PSD3: variants seen among roughly 807,000 people sequenced by gnomAD.
PSD3 encodes pleckstrin and Sec7 domain containing 3.
In PSD3, 49 loss-of-function variants were observed where a neutral mutation model predicts 105.5. The observed-to-expected ratio is 0.46, with a 90% CI of 0.37 to 0.59. The LOEUF (loss-of-function observed/expected upper bound fraction) is 0.59. PSD3 is among the 20% of genes least tolerant of loss of function. PSD3 has a pLI of 0.00. For synonymous variants in PSD3, 557 were observed against 457.8 expected (o/e 1.22, Z -2.77); for missense variants, 1,561 against 1,263.8 (o/e 1.24, Z -3.57).
rs573609589 is a variant in PSD3, at chr8:18,827,151, T to C, written c.1635-22253A>G. Among the ~76,000 whole-genome samples, 320 of 152,306 alleles carry C rather than the reference T, an allele frequency of 2.1e-3. 5 individuals carry two copies. Among genetic ancestry groups the C allele is most frequent in the Non-Finnish European group, 9.8e-4 (67 of 68,026 alleles). The stretch of plus-strand genomic sequence containing the variant: ...ATAAAGAGCAAAATACAGCTCCCTA[T>C]ACCCAGAACTTCATAGTCTAGAGAG... On this transcript the variant is annotated intron_variant, in intron 4 of 15. Coordinates refer to ENST00000327040, the MANE Select transcript of PSD3 (RefSeq NM_015310.4).
At chr8:18,627,535 A>G (rs1806576383) in intron 11 of PSD3, among the ~76,000 whole-genome samples, 1 of 152,088 alleles carries the variant, frequency 6.6e-6, no homozygotes, top group South Asian at 2.1e-4. Flanking sequence ...ACTGTGTAAT[A>G]CATGCCATAT....
At chr8:18,653,254 G>C (rs1808648258) in intron 10 of PSD3, among the ~76,000 whole-genome samples, 1 of 151,942 alleles carries the variant, frequency 6.6e-6, no homozygotes, top group Non-Finnish European at 1.5e-5. Flanking sequence ...TCATTTTATA[G>C]GTGAAGATAG....
intron 2 of PSD3, among the ~76,000 whole-genome samples, chr8:18,916,741 C>CA (rs1416163155): frequency 6.6e-6 from 1 of 151,328 alleles, no homozygotes; most frequent in Non-Finnish European, 1.5e-5. Flanking sequence ...GTTCCCACCA[C>CA]AAAAAAATAA....
intron 9 of PSD3, among the ~76,000 whole-genome samples, chr8:18,671,883 G>C (rs1563160432): frequency 6.6e-6 from 1 of 152,004 alleles, no homozygotes; most frequent in Non-Finnish European, 1.5e-5. Flanking sequence ...CGCCCGCCTT[G>C]GCCTCCCAAA....
rs151167354 is a variant in PSD3 at position 18,563,101 on chromosome 8, G to T, written c.2785-6749C>A. On this transcript the variant is annotated intron_variant, in intron 14 of 15. Transcript: ENST00000327040. ...TTTACCGATTACAAGCTCTTAAAAA[G>T]GCAAAAAAGGTCACTTTTTTCCTTC... Among the ~76,000 whole-genome samples the T allele has an allele frequency of 5.7e-3, 862 of 152,042 alleles. 9 individuals are homozygous for T. The highest frequency in any genetic ancestry group is 0.02 in the African/African-American group (838 of 41,470).
intron 11 of PSD3, among the ~76,000 whole-genome samples, chr8:18,629,274 A>G (rs1292589263): frequency 6.6e-6 from 1 of 152,040 alleles, no homozygotes; most frequent in African/African-American, 2.4e-5. Flanking sequence ...GCAAAATGAT[A>G]TAGAAACTTT....
intron 10 of PSD3, among the ~76,000 whole-genome samples, chr8:18,645,262 C>A (rs1011778654): frequency 2.6e-5 from 4 of 152,206 alleles, no homozygotes; most frequent in Non-Finnish European, 4.4e-5. Flanking sequence ...CACTGAAAAT[C>A]TTTTTCCTTT....
chr8:18,960,996 G>A (rs143628420), intron 1 of PSD3, among the ~76,000 whole-genome samples: 2 of 152,200 alleles, frequency 1.3e-5, no homozygotes, highest in Middle Eastern at 3.4e-3. Flanking sequence ...TGAGGTGGGA[G>A]GATCTACATG....
At position 18,632,610 on chromosome 8, in the gene PSD3, T is replaced by C. The variant is rs1016025668; in HGVS notation, c.2410+3A>G. Reference sequence around the variant, plus strand: ...ATAGAAAATGACAACGCATGATACTTACTCTTCTTTCCATCCATATCTGCA... The same window carrying C: ...ATAGAAAATGACAACGCATGATACTCACTCTTCTTTCCATCCATATCTGCA... On this transcript the variant is annotated splice_donor_region_variant and intron_variant, in intron 11 of 15. Transcript: ENST00000327040. 3 of 1,606,824 alleles carry C rather than the reference T, an allele frequency of 1.9e-6. No individual in the cohort carries two copies. The highest frequency in any genetic ancestry group is 2.6e-6 in the Non-Finnish European group (3 of 1,176,208).
chr8:18,536,749 T>G (rs1799866517), intron 15 of PSD3, among the ~76,000 whole-genome samples: 1 of 152,158 alleles, frequency 6.6e-6, no homozygotes, highest in Non-Finnish European at 1.5e-5. Flanking sequence ...TCCATGGCTC[T>G]GGCACTTTTT....
At chr8:18,876,399 T>G (rs1817736366) in intron 2 of PSD3, among the ~76,000 whole-genome samples, 2 of 152,112 alleles carry the variant, frequency 1.3e-5, no homozygotes, top group South Asian at 2.1e-4. Context: ...TTTTCTTCCT[T>G]TTTTTGAGAC....
At chr8:18,537,878 T>C (rs1448949010) in intron 15 of PSD3, among the ~76,000 whole-genome samples, 1 of 152,218 alleles carries the variant, frequency 6.6e-6, no homozygotes, top group East Asian at 1.9e-4. Flanking sequence ...GGTTTCGCCA[T>C]GTTGGCCAGG....
intron 7 of PSD3, among the ~76,000 whole-genome samples, chr8:18,800,109 G>A (rs1240317485): frequency 6.6e-6 from 1 of 152,046 alleles, no homozygotes; most frequent in East Asian, 1.9e-4. Context: ...ACAAATTCTC[G>A]AAAGTATTTT....
chr8:18,948,915 C>G (rs769310313), intron 1 of PSD3, among the ~76,000 whole-genome samples: 1 of 151,808 alleles, frequency 6.6e-6, no homozygotes, highest in Non-Finnish European at 1.5e-5. Context: ...GTTCCCTTAA[C>G]TTAAAAGTGA....
intron 1 of PSD3, among the ~76,000 whole-genome samples, chr8:18,950,913 T>G (rs1250531872): frequency 2.0e-5 from 3 of 152,086 alleles, no homozygotes; most frequent in Non-Finnish European, 4.4e-5. Flanking sequence ...GTATTTCTGT[T>G]GCTCTAGGGC....
chr8:18,656,080 C>A (rs983424848), intron 9 of PSD3, among the ~76,000 whole-genome samples: 1 of 152,038 alleles, frequency 6.6e-6, no homozygotes, highest in African/African-American at 2.4e-5. Context: ...TTTTTTCAGA[C>A]GGAGTCTCAC....
chr8:18,951,847 T>C (rs1586509461), intron 1 of PSD3, among the ~76,000 whole-genome samples: 1 of 152,030 alleles, frequency 6.6e-6, no homozygotes, highest in South Asian at 2.1e-4. Context: ...TTAGCTGGTG[T>C]GGTGGTGGGT....
intron 1 of PSD3, among the ~76,000 whole-genome samples, chr8:18,953,713 C>T (rs1823387579): frequency 6.6e-6 from 1 of 151,766 alleles, no homozygotes; most frequent in African/African-American, 2.4e-5. Context: ...GGCACCACTG[C>T]ACTCCAGCCT....
Position 18,707,340 on chromosome 8 carries a change from A to C in PSD3, c.2173-51655T>G, listed in dbSNP as rs138973984. On this transcript the variant is annotated intron_variant, in intron 9 of 15. Coordinates refer to ENST00000327040, the MANE Select transcript of PSD3 (RefSeq NM_015310.4). Reference sequence around the variant, plus strand: ...ATCAGCTCCTTGAAGTTTTCTATACACAGCCCACAGCAACAGGTAAGTAGC... The same window carrying C: ...ATCAGCTCCTTGAAGTTTTCTATACCCAGCCCACAGCAACAGGTAAGTAGC... Among the ~76,000 whole-genome samples, 21 of 152,292 alleles carry C rather than the reference A, an allele frequency of 1.4e-4. No individual in the cohort carries two copies. In the East Asian group the frequency reaches 4.1e-3, roughly 29 times the overall value.
Sources: gnomAD v4.1 joint callset for allele counts (sites outside exome capture counted in the v4.1 genomes callset) on GRCh38, gnomAD v4.1.1 for gene constraint, MANE v1.5 for transcripts, NCBI Gene and HGNC (gene_info 2026-07-23, HGNC 2026-07-21) for gene names.